Variants in KCND3 observed in about 807,000 individuals in gnomAD.
KCND3 encodes potassium voltage-gated channel subfamily D member 3, also known as A-type voltage-gated potassium channel KCND3.
Under a neutral mutation model 51.1 loss-of-function variants are expected in KCND3, and 9 were observed. That is an observed-to-expected ratio of 0.18 (90% confidence interval 0.11 to 0.31). The LOEUF is 0.31. KCND3 is among the 10% of genes least tolerant of loss of function. The pLI is 1.00. For synonymous variants in KCND3, 349 were observed against 368.0 expected (o/e 0.95, Z 0.59); for missense variants, 526 against 903.8 (o/e 0.58, Z 5.36).
intron 2 of KCND3, among the ~76,000 whole-genome samples, chr1:111,947,787 T>C (rs1239335375): frequency 1.3e-5 from 2 of 152,240 alleles, no homozygotes; most frequent in African/African-American, 2.4e-5. Context: ...GTAGACCAGC[T>C]GTTTAAGAAT....
At chr1:111,874,201 T>C (rs74109712) in intron 2 of KCND3, among the ~76,000 whole-genome samples, 2,166 of 152,276 alleles carry the variant, frequency 0.014, 48 homozygotes, top group African/African-American at 0.049. Flanking sequence ...CCACTACACA[T>C]TGGAAGTCAA....
intron 2 of KCND3, among the ~76,000 whole-genome samples, chr1:111,940,072 GGTTTTTTTT>G (rs1349730216): frequency 3.6e-5 from 2 of 56,202 alleles, no homozygotes; most frequent in African/African-American, 1.4e-4. Context: ...ACTTTTTGAT[GGTTTTTTTT>G]TTTTTTTTTT....
intron 2 of KCND3, among the ~76,000 whole-genome samples, chr1:111,930,743 G>C (rs1051290130): frequency 6.6e-6 from 1 of 152,088 alleles, no homozygotes; most frequent in Non-Finnish European, 1.5e-5. Flanking sequence ...GCCCCTCTGA[G>C]TCTCAGTTTC....
intron 2 of KCND3, 95 bp from the exon 3 acceptor site, chr1:111,787,201 A>C: frequency 7.6e-7 from 1 of 1,307,612 alleles, no homozygotes; most frequent in Non-Finnish European, 1.1e-6. Context: ...TTATTCATTC[A>C]TTCATTCAGC....
At chr1:111,915,792 T>A in intron 2 of KCND3, among the ~76,000 whole-genome samples, 1 of 140,048 alleles carries the variant, frequency 7.1e-6, no homozygotes. Context: ...AGTGACTATA[T>A]CAGACAAAGT....
intron 2 of KCND3, among the ~76,000 whole-genome samples, chr1:111,965,596 A>AG (rs1379392919): frequency 5.9e-5 from 9 of 151,556 alleles, no homozygotes; most frequent in Non-Finnish European, 1.3e-4. Context: ...TGTGATTTAC[A>AG]CCCTCCTATA....
intron 2 of KCND3, among the ~76,000 whole-genome samples, chr1:111,887,827 A>G (rs1290936682): frequency 6.6e-6 from 1 of 152,238 alleles, no homozygotes; most frequent in Non-Finnish European, 1.5e-5. Flanking sequence ...TGGGAGAAGG[A>G]CTTGTCATTT....
At chr1:111,862,403 C>A (rs1471096337) in intron 2 of KCND3, among the ~76,000 whole-genome samples, 1 of 152,240 alleles carries the variant, frequency 6.6e-6, no homozygotes, top group Non-Finnish European at 1.5e-5. Context: ...AATGCTAATG[C>A]CCCCAACCCT....
Position 111,780,558 on chromosome 1 carries a change from G to A in KCND3, c.1371+132C>T, listed in dbSNP as rs770791759. 1 of 873,034 alleles carries A rather than the reference G, an allele frequency of 1.1e-6. No homozygotes were observed. Among genetic ancestry groups the A allele is most frequent in the Non-Finnish European group, 1.9e-6 (1 of 535,468 alleles). 54.1% of individuals were successfully genotyped at this position (873,034 alleles called of 1,614,324 possible). ...TGTGTGAATGGGGGGCTGCTACCTGGGGAAAGTTTGGAAACGTGTCCTCCT... is the reference window on the plus strand; with the variant it reads ...TGTGTGAATGGGGGGCTGCTACCTGAGGAAAGTTTGGAAACGTGTCCTCCT... On this transcript the variant is annotated intron_variant, in intron 4 of 7. Coordinates refer to ENST00000302127, the MANE Select transcript of KCND3 (RefSeq NM_001378969.1). The surrounding 1 kb of genome is among the most constrained non-coding windows in gnomAD (Gnocchi z 4.2).
At chr1:111,833,569 A>G (rs661407) in intron 2 of KCND3, among the ~76,000 whole-genome samples, 135,999 of 152,278 alleles carry the variant, frequency 0.89, 60,908 homozygotes, top group East Asian at 1. Flanking sequence ...CAAGCCAGCC[A>G]GAATTTGTTG....
intron 2 of KCND3, among the ~76,000 whole-genome samples, chr1:111,911,622 C>A (rs145218336): frequency 6.6e-6 from 1 of 152,174 alleles, no homozygotes; most frequent in Non-Finnish European, 1.5e-5. Context: ...TTGGACTACA[C>A]CACTCAAGAA....
rs55653915 is a variant in KCND3, at chr1:111,846,418, TCTGCTGCTGCTGCTGCTG to T, written c.1107-59330_1107-59313del. On this transcript the variant is annotated intron_variant, in intron 2 of 7. Transcript: ENST00000302127. Reference sequence around the variant, plus strand: ...TTTCCTCTGTACACCCATGACACTCTCTGCTGCTGCTGCTGCTGCTGCTGCTGCTGCTGCTGATAAAAG... The same window carrying T: ...TTTCCTCTGTACACCCATGACACTCTCTGCTGCTGCTGCTGCTGATAAAAG... Among the ~76,000 whole-genome samples, 741 of 150,826 alleles carry T rather than the reference TCTGCTGCTGCTGCTGCTG, an allele frequency of 4.9e-3. 6 individuals carry two copies. Among genetic ancestry groups the T allele is most frequent in the African/African-American group, 0.017 (709 of 41,000 alleles).
At chr1:111,906,236 T>A (rs1670644311) in intron 2 of KCND3, among the ~76,000 whole-genome samples, 1 of 152,194 alleles carries the variant, frequency 6.6e-6, no homozygotes, top group African/African-American at 2.4e-5. Context: ...TGCTTTAAAG[T>A]GCATGTGGTG....
At chr1:111,879,831 G>A (rs1047603235) in intron 2 of KCND3, among the ~76,000 whole-genome samples, 5 of 152,216 alleles carry the variant, frequency 3.3e-5, no homozygotes, top group African/African-American at 1.2e-4. Context: ...TTGAGTAGGT[G>A]CATCCAGGAC....
chr1:111,820,827 A>AGG (rs1018194514), intron 2 of KCND3, among the ~76,000 whole-genome samples: 13 of 152,228 alleles, frequency 8.5e-5, no homozygotes, highest in African/African-American at 3.1e-4. Context: ...ACACAGACAC[A>AGG]GGGGGGTGAC....
chr1:111,981,260 T>C lies in KCND3; in HGVS notation c.1106+361A>G, dbSNP rs561189642. Among the ~76,000 whole-genome samples, 2 of 152,088 alleles carry C rather than the reference T, an allele frequency of 1.3e-5. No homozygotes were observed. The highest frequency in any genetic ancestry group is 6.5e-5 in the Admixed American group (1 of 15,274). Reference sequence around the variant, plus strand: ...TCTCCTCCCTCCCCAACAACTGCCCTGACCTTCTCCCCACGCTGCCCCATA... The same window carrying C: ...TCTCCTCCCTCCCCAACAACTGCCCCGACCTTCTCCCCACGCTGCCCCATA... On this transcript the variant is annotated intron_variant, in intron 2 of 7. Coordinates refer to ENST00000302127, the MANE Select transcript of KCND3 (RefSeq NM_001378969.1). This position sits in a 1 kb window ranked among gnomAD's most constrained non-coding sequence, Gnocchi z 6.2.
intron 2 of KCND3, among the ~76,000 whole-genome samples, chr1:111,796,277 A>G (rs1665051539): frequency 6.6e-6 from 1 of 152,092 alleles, no homozygotes; most frequent in South Asian, 2.1e-4. Flanking sequence ...CTATGTCCGG[A>G]GTGGTATTGC....
intron 6 of KCND3, among the ~76,000 whole-genome samples, chr1:111,777,990 G>A (rs1236942201): frequency 5.3e-5 from 8 of 152,286 alleles, no homozygotes; most frequent in African/African-American, 1.7e-4. Context: ...TGGCTGTTTG[G>A]CCAAGTTGAC....
rs1458687305 is a variant in KCND3, at chr1:111,780,064, C to A, written c.1461+161G>T. On this transcript the variant is annotated intron_variant, in intron 5 of 7. Coordinates refer to ENST00000302127, the MANE Select transcript of KCND3 (RefSeq NM_001378969.1). This position sits in a 1 kb window ranked among gnomAD's most constrained non-coding sequence, Gnocchi z 4.2. ...CCCACCCTGGTGACCTTGCCCCACT[C>A]CTCAGGGTCTTCCACCTGAGGGCCA... Among the ~76,000 whole-genome samples, 1 of 152,250 alleles carries A rather than the reference C, an allele frequency of 6.6e-6. No homozygotes were observed. Among genetic ancestry groups the A allele is most frequent in the African/African-American group, 2.4e-5 (1 of 41,470 alleles).
Sources: allele counts gnomAD v4.1 joint callset (sites outside exome capture counted in the v4.1 genomes callset), GRCh38; gene constraint gnomAD v4.1.1; non-coding constraint Gnocchi (gnomAD v3.1); transcripts MANE v1.5; gene names NCBI Gene and HGNC (gene_info 2026-07-23, HGNC 2026-07-21).